CHCHD3: variants seen among roughly 807,000 people sequenced by gnomAD.
CHCHD3 encodes MICOS complex subunit MIC19.
Under a neutral mutation model 38.2 loss-of-function variants are expected in CHCHD3, and 20 were observed. The ratio of observed to expected loss-of-function variants is 0.52; its 90% CI spans 0.37 to 0.76. CHCHD3 has a LOEUF of 0.76. Ranked by LOEUF, CHCHD3 falls within the 30% of genes least tolerant of loss-of-function variation. The pLI is 0.00. For missense variants in CHCHD3, 245 were observed against 279.2 expected, an observed-to-expected ratio of 0.88 and a Z score of 0.87; for synonymous variants, 82 against 100.0, an observed-to-expected ratio of 0.82 and a Z score of 1.07.
At chr7:133,073,429 C>A (rs1490771505) in intron 1 of CHCHD3, among the ~76,000 whole-genome samples, 1 of 152,166 alleles carries the variant, frequency 6.6e-6, no homozygotes, top group Non-Finnish European at 1.5e-5. Flanking sequence ...GAAGCCCGGT[C>A]TCCACACTGA....
At chr7:132,914,245 C>T (rs182369234) in intron 4 of CHCHD3, among the ~76,000 whole-genome samples, 165 of 152,134 alleles carry the variant, frequency 1.1e-3, no homozygotes, top group African/African-American at 3.8e-3. Context: ...ACCTTGGCCT[C>T]CCAAAGTGCC....
intron 3 of CHCHD3, among the ~76,000 whole-genome samples, chr7:132,975,497 C>T (rs1456224271): frequency 2.0e-5 from 3 of 152,180 alleles, no homozygotes; most frequent in Non-Finnish European, 4.4e-5. Context: ...AATTCAAATA[C>T]ATGAAGAAGC....
chr7:133,056,633 C>G (rs930804703), intron 2 of CHCHD3, among the ~76,000 whole-genome samples: 1 of 151,984 alleles, frequency 6.6e-6, no homozygotes, highest in Non-Finnish European at 1.5e-5. Flanking sequence ...CAAATGAAAG[C>G]CAAAGAGGGT....
intron 3 of CHCHD3, among the ~76,000 whole-genome samples, chr7:133,018,280 G>C (rs776892665): frequency 6.6e-5 from 10 of 152,178 alleles, no homozygotes; most frequent in Non-Finnish European, 1.2e-4. Flanking sequence ...ATCACAGCAG[G>C]ATGGTATAGG....
intron 2 of CHCHD3, chr7:133,034,508 CTTTTTTT>C (rs146912120): frequency 1.4e-5 from 4 of 283,228 alleles, no homozygotes; most frequent in East Asian, 8.1e-5. Context: ...TGGATCCAGT[CTTTTTTT>C]TTTTTTTTTT....
intron 2 of CHCHD3, among the ~76,000 whole-genome samples, chr7:133,066,013 G>T (rs906814110): frequency 2.0e-5 from 3 of 152,176 alleles, no homozygotes; most frequent in Admixed American, 1.3e-4. Context: ...GTGTGTTCCA[G>T]ATCAGAGCTA....
chr7:132,961,168 G>A (rs1310322450), intron 4 of CHCHD3, among the ~76,000 whole-genome samples: 1 of 152,044 alleles, frequency 6.6e-6, no homozygotes, highest in East Asian at 1.9e-4. Context: ...TGTAATCCCA[G>A]CTGTTTGGGA....
At chr7:132,914,125 T>C (rs1427913314) in intron 4 of CHCHD3, among the ~76,000 whole-genome samples, 2 of 56,818 alleles carry the variant, frequency 3.5e-5, no homozygotes, top group African/African-American at 1.1e-4. Flanking sequence ...ATGCCTGGCG[T>C]GTGTGTGTGT....
At chr7:133,077,988 C>T (rs972554521) in intron 1 of CHCHD3, among the ~76,000 whole-genome samples, 2 of 151,960 alleles carry the variant, frequency 1.3e-5, no homozygotes, top group Non-Finnish European at 2.9e-5. Context: ...TATTAAGGAC[C>T]TCAACAATAT....
intron 4 of CHCHD3, chr7:132,973,994 C>T (rs771239735): frequency 9.3e-6 from 12 of 1,287,450 alleles, no homozygotes; most frequent in Middle Eastern, 2.1e-4. Context: ...GTCAACACTC[C>T]AGGTTTCACC....
chr7:132,866,713 A>T (rs1233225294), intron 5 of CHCHD3, among the ~76,000 whole-genome samples: 1 of 152,226 alleles, frequency 6.6e-6, no homozygotes, highest in African/African-American at 2.4e-5. Flanking sequence ...TGAACTCAAC[A>T]TAGAACTGAT....
chr7:132,992,177 C>T, intron 3 of CHCHD3, among the ~76,000 whole-genome samples: 1 of 152,232 alleles, frequency 6.6e-6, no homozygotes, highest in South Asian at 2.1e-4. Context: ...TCGGGCCTCA[C>T]TGCTTCCCAG....
intron 7 of CHCHD3, among the ~76,000 whole-genome samples, chr7:132,786,536 C>T (rs188816437): frequency 6.6e-6 from 1 of 152,182 alleles, no homozygotes; most frequent in African/African-American, 2.4e-5. Flanking sequence ...TGGGGGTATA[C>T]TGCCTTCATT....
chr7:132,852,144 G>A (rs1808234751), intron 5 of CHCHD3, among the ~76,000 whole-genome samples: 1 of 152,170 alleles, frequency 6.6e-6, no homozygotes, highest in Non-Finnish European at 1.5e-5. Context: ...TATAACAGAT[G>A]CTGATTTGGA....
At chr7:132,919,879 C>CA (rs1810215366) in intron 4 of CHCHD3, among the ~76,000 whole-genome samples, 1 of 152,068 alleles carries the variant, frequency 6.6e-6, no homozygotes, top group Non-Finnish European at 1.5e-5. Flanking sequence ...AGGAGTCTGA[C>CA]AAAAAATCTG....
chr7:133,028,800 G>A (rs10234426), intron 2 of CHCHD3, among the ~76,000 whole-genome samples: 6,512 of 151,446 alleles, frequency 0.043, 377 homozygotes, highest in African/African-American at 0.13. Flanking sequence ...CAGGAGAATC[G>A]CTTGAACTCG....
intron 4 of CHCHD3, chr7:132,887,021 T>A: frequency 8.4e-7 from 1 of 1,193,624 alleles, no homozygotes; most frequent in Non-Finnish European, 1.1e-6. Flanking sequence ...TAAACAGTTA[T>A]TTAACAACAT....
At chr7:132,913,948 CTTTTTTTTTTTTT>C (rs71178066) in intron 4 of CHCHD3, among the ~76,000 whole-genome samples, 6 of 102,346 alleles carry the variant, frequency 5.9e-5, no homozygotes, top group African/African-American at 1.1e-4. Flanking sequence ...TTTTCTTTTT[CTTTTTTTTTTTTT>C]TTTTTTTTGA....
chr7:132,854,839 T>C (rs147213268), intron 5 of CHCHD3, among the ~76,000 whole-genome samples: 84 of 152,330 alleles, frequency 5.5e-4, no homozygotes, highest in Non-Finnish European at 7.9e-4. Context: ...CAAAAGTCTC[T>C]GGAAAGAAGG....
Sources: allele counts gnomAD v4.1 joint callset (sites outside exome capture counted in the v4.1 genomes callset), GRCh38; gene constraint gnomAD v4.1.1; transcripts MANE v1.5; gene names NCBI Gene and HGNC (gene_info 2026-07-23, HGNC 2026-07-21).